AHNAK: variants seen among roughly 807,000 people sequenced by gnomAD.
The protein encoded by AHNAK is AHNAK nucleoprotein.
AHNAK carries 23 observed loss-of-function variants against 37.8 expected under a neutral mutation model. That is an observed-to-expected ratio of 0.61 (90% CI 0.44 to 0.86). The LOEUF is 0.86. AHNAK is among the 40% of genes least tolerant of loss of function. The pLI is 0.00. For missense variants in AHNAK, 7,411 were observed against 7,319.4 expected (o/e 1.01, Z -0.46); for synonymous variants, 2,481 against 2,636.3 (o/e 0.94, Z 1.80).
downstream of AHNAK, among the ~76,000 whole-genome samples, chr11:62,513,548 A>T (rs900081775): frequency 6.6e-6 from 1 of 152,148 alleles, no homozygotes; most frequent in Non-Finnish European, 1.5e-5. Context: ...AAATAAAAAA[A>T]AAAAAAGACT....
Position 62,525,897 on chromosome 11 carries a change from A to C in AHNAK, c.8520T>G (p.Ile2840Met). 1.2e-6 allele frequency: 2 copies of C among 1,614,210 alleles called. No individual in the cohort carries two copies. The highest frequency in any genetic ancestry group is 1.7e-6 in the Non-Finnish European group (2 of 1,180,040). ...TTTTTGGACCTGTGAGATTCAGGTC[A>C]ATATCTGGCATGGATATCTTTGGAG... ...FKTPKISMPD[I>M]DLNLTGPKIK... The change falls in exon 5 of 5, where the codon ATT (isoleucine) becomes ATG (methionine). Residue 2840 changes from isoleucine to methionine, a missense_variant. Ile to Met is a conservative substitution (Grantham distance 10). Transcript: ENST00000378024.
Position 62,530,856 on chromosome 11 carries a change from C to A in AHNAK, c.3561G>T (p.Glu1187Asp). 1 of 1,614,050 alleles carries A rather than the reference C, an allele frequency of 6.2e-7. No homozygotes were observed. Among genetic ancestry groups the A allele is most frequent in the Non-Finnish European group, 8.5e-7 (1 of 1,180,008 alleles). The change falls in exon 5 of 5, where the codon GAG (glutamate) becomes GAT (aspartate). Residue 1187 changes from glutamate to aspartate, a missense_variant. Glu to Asp is a conservative substitution (Grantham distance 45). Transcript: ENST00000378024. The stretch of plus-strand genomic sequence containing the variant: ...AGATCTTGGGGGTCTTGAAATGCAT[C>A]TCAGGCATCTTAAACTTGGGACCCT... ...KLKGPKFKMP[E>D]MHFKTPKISM... is the part of the protein sequence containing the mutation.
chr11:62,478,009 C>G (rs1017984427), intron 5 of AHNAK, among the ~76,000 whole-genome samples: 1 of 152,022 alleles, frequency 6.6e-6, no homozygotes, highest in Admixed American at 6.6e-5. Context: ...TGGTGAAGCC[C>G]GGGACCTGTA....
rs750135297 is a variant in AHNAK, at chr11:62,461,143, C to CCT, written c.443-27253_443-27252insAG. On this transcript the variant is annotated intron_variant, in intron 5 of 5. Coordinates refer to the AHNAK transcript ENST00000257247. The stretch of plus-strand genomic sequence containing the variant: ...GGCCACCACGCCCGGCCAAATTCCC[C>CCT]TTTTTTTTTTTTTTTTTTTTTGAGA... 1.9e-3 allele frequency among the ~76,000 whole-genome samples: 152 copies of CCT among 79,832 alleles called. 4 individuals carry two copies. The highest frequency in any genetic ancestry group is 5.8e-3 in the African/African-American group (122 of 20,926). 52.4% of individuals were successfully genotyped at this position (79,832 alleles called of 152,430 possible).
rs879178350 is a variant in AHNAK at position 62,525,486 on chromosome 11, C to T, written c.8931G>A (p.Val2977=). 1 of 1,613,550 alleles carries T rather than the reference C, an allele frequency of 6.2e-7. No individual in the cohort carries two copies. ...DFDLHLKGPK[V]KGDVDISLPK... is the part of the protein sequence containing the mutation. Reference sequence around the variant, plus strand: ...GCAGAGAAATATCCACATCGCCCTTCACCTTGGGACCTTTCAGATGCAAAT... The same window carrying T: ...GCAGAGAAATATCCACATCGCCCTTTACCTTGGGACCTTTCAGATGCAAAT... The change falls in exon 5 of 5, where the codon GTG becomes GTA. Residue 2977 remains valine (V), a synonymous_variant. Coordinates refer to ENST00000378024, the MANE Select transcript of AHNAK (RefSeq NM_001620.3).
rs759917120 is a variant in AHNAK at position 62,528,736 on chromosome 11, G to A, written c.5681C>T (p.Pro1894Leu). Residue 1894 changes from proline (P) to leucine (L), a missense_variant, in exon 5 of 5, where the codon CCT becomes CTT. By Grantham distance (98) the Pro-to-Leu change is moderately conservative (BLOSUM62 -3). Coordinates refer to ENST00000378024, the MANE Select transcript of AHNAK (RefSeq NM_001620.3). ...LTGPSVGVEV[P>L]DVELECPDAK... ...ATCAGGACACTCCAGCTCAACATCA[G>A]GCACCTCCACACCCACACTGGGGCC... is the stretch of plus-strand genomic sequence containing the variant. The A allele has an allele frequency of 6.2e-7, 1 of 1,610,610 alleles. No homozygotes were observed. Among genetic ancestry groups the A allele is most frequent in the Non-Finnish European group, 8.5e-7 (1 of 1,179,358 alleles).
At position 62,524,183 on chromosome 11, in the gene AHNAK, A is replaced by G; in HGVS notation, c.10234T>C (p.Ser3412Pro). ...ACGTCAGGCATAGAAACTTTGGGAGATGAAATACTCAGGAAAGGCATTTTA... is the reference window on the plus strand; with the variant it reads ...ACGTCAGGCATAGAAACTTTGGGAGGTGAAATACTCAGGAAAGGCATTTTA... ...KFKMPFLSIS[S>P]PKVSMPDVEL... is the part of the protein sequence containing the mutation. Residue 3412 changes from serine to proline, a missense_variant, in exon 5 of 5, where the codon TCT becomes CCT. Ser to Pro is a moderately conservative substitution (Grantham distance 74). Transcript: ENST00000378024. 1.9e-6 allele frequency: 3 copies of G among 1,613,954 alleles called. No homozygotes were observed. Among genetic ancestry groups the G allele is most frequent in the Non-Finnish European group, 1.7e-6 (2 of 1,179,988 alleles).
At position 62,518,254 on chromosome 11, in the gene AHNAK, C is replaced by G; in HGVS notation, c.16163G>C (p.Gly5388Ala). 2.5e-6 allele frequency: 4 copies of G among 1,614,162 alleles called. No homozygotes were observed. The highest frequency in any genetic ancestry group is 3.4e-6 in the Non-Finnish European group (4 of 1,180,018). Reference protein sequence around the residue: ...GDIKCPKVSVGAPDLSLEASE... With the variant: ...GDIKCPKVSVAAPDLSLEASE... ...TGCCTCCAAGCTTAGATCAGGAGCT[C>G]CTACGGATACTTTAGGGCATTTGAT... Residue 5388 changes from glycine to alanine, a missense_variant, in exon 5 of 5, where the codon GGA becomes GCA. Transcript: ENST00000378024.
At position 62,529,162 on chromosome 11, in the gene AHNAK, G is replaced by C. The variant is rs1167667214; in HGVS notation, c.5255C>G (p.Ala1752Gly). 6.2e-7 allele frequency: 1 copy of C among 1,614,054 alleles called. No homozygotes were observed. The highest frequency in any genetic ancestry group is 8.5e-7 in the Non-Finnish European group (1 of 1,180,014). The change falls in exon 5 of 5, where the codon GCT becomes GGT. Residue 1752 changes from alanine to glycine, a missense_variant. Ala to Gly is a moderately conservative substitution (Grantham distance 60, BLOSUM62 0). Coordinates refer to ENST00000378024, the MANE Select transcript of AHNAK (RefSeq NM_001620.3). Reference protein sequence around the residue: ...DVSGPSVDTDAPDLDIEGPEG... With the variant: ...DVSGPSVDTDGPDLDIEGPEG... ...TGGTCCCTCAATATCCAAATCAGGAGCATCAGTGTCCACACTGGGTCCAGA... is the reference window on the plus strand; with the variant it reads ...TGGTCCCTCAATATCCAAATCAGGACCATCAGTGTCCACACTGGGTCCAGA...
chr11:62,521,882 C>T lies in AHNAK; in HGVS notation c.12535G>A (p.Val4179Ile), dbSNP rs1219435973. ...KVDIDVPDVD[V>I]QGPDWHLKMP... Reference sequence around the variant, plus strand: ...TTTAAGTGCCAGTCTGGGCCTTGAACGTCCACATCTGGGACATCAATGTCC... The same window carrying T: ...TTTAAGTGCCAGTCTGGGCCTTGAATGTCCACATCTGGGACATCAATGTCC... The change falls in exon 5 of 5, where the codon GTT becomes ATT. Residue 4179 changes from valine to isoleucine, a missense_variant. Val to Ile is a conservative substitution (Grantham distance 29). Transcript: ENST00000378024. 15 of 1,612,750 alleles carry T rather than the reference C, an allele frequency of 9.3e-6. No individual in the cohort carries two copies. The highest frequency in any genetic ancestry group is 8.9e-5 in the East Asian group (4 of 44,790).
In AHNAK at chr11:62,518,228, A is replaced by T; in HGVS notation, c.16189T>A (p.Ser5397Thr). Residue 5397 changes from serine to threonine, a missense_variant, in exon 5 of 5, where the codon TCC becomes ACC. Transcript: ENST00000378024. ...VGAPDLSLEA[S>T]EGSIKLPKMK... ...TTGGGAAGTTTAATGCTGCCTTCGG[A>T]TGCCTCCAAGCTTAGATCAGGAGCT... The T allele has an allele frequency of 6.2e-7, 1 of 1,614,088 alleles. No homozygotes were observed. Among genetic ancestry groups the T allele is most frequent in the East Asian group, 2.2e-5 (1 of 44,880 alleles).
At chr11:62,463,442 C>T (rs541205508) in intron 5 of AHNAK, among the ~76,000 whole-genome samples, 5 of 147,402 alleles carry the variant, frequency 3.4e-5, no homozygotes, top group Admixed American at 6.9e-5. Flanking sequence ...ATGACTGCTC[C>T]GCTCCTCTCC....
chr11:62,456,384 G>A (rs904735764), intron 5 of AHNAK, among the ~76,000 whole-genome samples: 1 of 152,200 alleles, frequency 6.6e-6, no homozygotes, highest in Admixed American at 6.5e-5. Flanking sequence ...CGGTCTTTAT[G>A]CTTTAGGCAG....
At chr11:62,467,679 C>T (rs1485993856) in intron 5 of AHNAK, among the ~76,000 whole-genome samples, 4 of 152,056 alleles carry the variant, frequency 2.6e-5, no homozygotes, top group Middle Eastern at 3.2e-3. Flanking sequence ...AGTGAGACTC[C>T]GTCTCAAACA....
Position 62,533,137 on chromosome 11 carries a change from C to T in AHNAK, c.1280G>A (p.Ser427Asn), listed in dbSNP as rs1318826852. ...TTTCATCTTGGGCACATTCAGTTTG[C>T]TCCCAGGCCCCTGAACATCAATGTC... ...APDIDVQGPG[S>N]KLNVPKMKVP... Residue 427 changes from serine to asparagine, a missense_variant, in exon 5 of 5, where the codon AGC becomes AAC. Transcript: ENST00000378024. 4.5e-6 allele frequency: 7 copies of T among 1,555,488 alleles called. No individual in the cohort carries two copies. Among genetic ancestry groups the T allele is most frequent in the African/African-American group, 4.1e-5 (3 of 72,454 alleles).
At chr11:62,510,413 G>A (rs1272673635) in intron 4 of AHNAK, among the ~76,000 whole-genome samples, 1 of 151,924 alleles carries the variant, frequency 6.6e-6, no homozygotes, top group East Asian at 1.9e-4. Context: ...CATGATGTCT[G>A]TAATTTACTC....
chr11:62,481,427 A>G (rs1465070252), intron 5 of AHNAK, among the ~76,000 whole-genome samples: 1 of 149,400 alleles, frequency 6.7e-6, no homozygotes, highest in Non-Finnish European at 1.5e-5. Flanking sequence ...CCTTTCTTCC[A>G]TTTCCCTTGC....
chr11:62,501,491 C>T (rs1463383355), intron 4 of AHNAK, among the ~76,000 whole-genome samples: 5 of 152,136 alleles, frequency 3.3e-5, no homozygotes, highest in Admixed American at 1.3e-4. Flanking sequence ...TGCTTGAACC[C>T]GGGAGGTGGA....
Position 62,517,736 on chromosome 11 carries a change from A to C in AHNAK, c.16681T>G (p.Leu5561Val), listed in dbSNP as rs149505116. The C allele has an allele frequency of 5.4e-4, 867 of 1,614,000 alleles. No individual in the cohort carries two copies. The highest frequency in any genetic ancestry group is 3.0e-3 in the Middle Eastern group (18 of 6,084). The change falls in exon 5 of 5, where the codon TTG becomes GTG. Residue 5561 changes from leucine to valine, a missense_variant. Transcript: ENST00000378024. ...CCTCCTTTGATTTTTGGGCCCTTCAAGTTGATGCCAAAATCTGACTCAGGA... is the reference window on the plus strand; with the variant it reads ...CCTCCTTTGATTTTTGGGCCCTTCACGTTGATGCCAAAATCTGACTCAGGA... ...ASPESDFGIN[L>V]KGPKIKGGAD...
Sources: allele counts gnomAD v4.1 joint callset (sites outside exome capture counted in the v4.1 genomes callset), GRCh38; gene constraint gnomAD v4.1.1; transcripts MANE v1.5; gene names NCBI Gene and HGNC (gene_info 2026-07-23, HGNC 2026-07-21).